MASP1: variants seen among roughly 807,000 people sequenced by gnomAD.
The protein encoded by MASP1 is MBL associated serine protease 1.
In MASP1, 59 loss-of-function variants were observed where a neutral mutation model predicts 77.1. The observed-to-expected ratio is 0.77, with a 90% CI of 0.62 to 0.95. The LOEUF (loss-of-function observed/expected upper bound fraction) is 0.95. Among genes scored for constraint, MASP1 ranks in the 40% least tolerant of loss-of-function variants. The pLI is 0.00. For synonymous variants in MASP1, 362 were observed against 354.5 expected (o/e 1.02, Z -0.24); for missense variants, 885 against 912.9 (o/e 0.97, Z 0.39).
chr3:187,247,190 T>C, intron 8 of MASP1: 1 of 1,547,020 alleles, frequency 6.5e-7, no homozygotes, highest in South Asian at 1.2e-5. Context: ...ACTGCTGAGA[T>C]CATGTTGTTC....
chr3:187,256,947 T>A (rs1190934186), intron 4 of MASP1, 87 bp from the exon 5 acceptor site: 2 of 1,197,380 alleles, frequency 1.7e-6, no homozygotes, highest in Admixed American at 3.6e-5. Flanking sequence ...ATTTTCCCAA[T>A]GGTCCCAAGC....
rs1279444466 is a variant in MASP1 at position 187,234,872 on chromosome 3, C to A, written c.*812G>T. The A allele has an allele frequency of 7.8e-7, 1 of 1,287,222 alleles. No individual in the cohort carries two copies. The highest frequency in any genetic ancestry group is 2.3e-5 in the Admixed American group (1 of 43,556). 79.7% of individuals were successfully genotyped at this position (1,287,222 alleles called of 1,614,324 possible). Reference sequence around the variant, plus strand: ...AAGATTGCTTTGTGCTTGTCTGGAGCAGCAGGTGTGGACGCCCATGGTGTC... The same window carrying A: ...AAGATTGCTTTGTGCTTGTCTGGAGAAGCAGGTGTGGACGCCCATGGTGTC... On this transcript the variant is annotated 3_prime_UTR_variant, in exon 11 of 11. Transcript: ENST00000296280.
intron 2 of MASP1, 33 bp from the exon 3 acceptor site, chr3:187,262,753 G>A (rs376192382): frequency 2.2e-5 from 35 of 1,601,266 alleles, no homozygotes; most frequent in Non-Finnish European, 2.6e-5. Context: ...AACAAGATGA[G>A]CAGTTTCCCA....
chr3:187,267,225 A>G (rs1008004962), intron 2 of MASP1, among the ~76,000 whole-genome samples: 2 of 151,794 alleles, frequency 1.3e-5, no homozygotes, highest in South Asian at 4.1e-4. Flanking sequence ...TCCTCAAGAC[A>G]TTAGGCAAAT....
intron 15 of MASP1, chr3:187,220,325 C>A: frequency 6.8e-7 from 1 of 1,464,336 alleles, no homozygotes; most frequent in Non-Finnish European, 9.4e-7. Context: ...CTCCTTCTCC[C>A]ATGTATGGGT....
Position 187,235,912 on chromosome 3 carries a change from G to A in MASP1, c.1959C>T (p.Tyr653=), listed in dbSNP as rs139958520. Residue 653 remains tyrosine, a synonymous_variant, in exon 11 of 11, where the codon TAC becomes TAT. Transcript: ENST00000296280. ...CAAGGCACGTGTCTTTGCCGCCCTC[G>A]TAGTAGCCAGCACAGAACATGTTCT... The part of the protein sequence containing the change: ...VTENMFCAGY[Y]EGGKDTCLGD... 181 of 1,614,226 alleles carry A rather than the reference G, an allele frequency of 1.1e-4. 1 individual carries two copies. The highest frequency in any genetic ancestry group is 7.3e-4 in the Admixed American group (44 of 60,024).
chr3:187,278,228 C>T (rs1287992808), intron 2 of MASP1, among the ~76,000 whole-genome samples: 1 of 152,194 alleles, frequency 6.6e-6, no homozygotes, highest in Non-Finnish European at 1.5e-5. Flanking sequence ...CAAGACTTGA[C>T]GCTGGGTCTG....
chr3:187,273,595 C>T lies in MASP1; in HGVS notation c.238-10875G>A, dbSNP rs567888876. On this transcript the variant is annotated intron_variant, in intron 2 of 10. Transcript: ENST00000296280. ...CTCGGTACTCCTGAGCTCACCTTCA[C>T]GGAAAGTCCATCACTCCCAGCTGCT... is the stretch of plus-strand genomic sequence containing the variant. 1.7e-4 allele frequency among the ~76,000 whole-genome samples: 26 copies of T among 152,306 alleles called. No individual in the cohort carries two copies. In the East Asian group the frequency reaches 2.3e-3, roughly 14 times the overall value.
chr3:187,226,926 A>G (rs948331083), intron 11 of MASP1, among the ~76,000 whole-genome samples: 2 of 152,210 alleles, frequency 1.3e-5, no homozygotes, highest in African/African-American at 4.8e-5. Context: ...GAGGCTTCTT[A>G]GAAATGAAGA....
Position 187,291,723 on chromosome 3 carries a change from C to G in MASP1, c.-91G>C, listed in dbSNP as rs542770578. The G allele has an allele frequency of 5.1e-5, 77 of 1,502,190 alleles. No homozygotes were observed. The African/African-American group carries it at 1.0e-3, about 20-fold the overall frequency. The allele number at this position is 1,502,190 out of a possible 1,614,324, so 93.1% of individuals were successfully genotyped here. On this transcript the variant is annotated 5_prime_UTR_variant, in exon 1 of 11. Transcript: ENST00000296280. ...CGTGCCCGGTGTGGTGTCCGTGATG[C>G]CTTATCTTTGTTCTGAGGTCCCTGT...
In MASP1 at chr3:187,220,167, C is replaced by T; in HGVS notation, c.2004G>A (p.Trp668Ter). ...GGTCCTTCTTCCCACAGTCATCACCCCAGGACACAGTGCCCACCAGGTACC... is the reference window on the plus strand; with the variant it reads ...GGTCCTTCTTCCCACAGTCATCACCTCAGGACACAGTGCCCACCAGGTACC... The change falls in exon 16 of 16, where the codon TGG becomes TGA. Residue 668 changes from tryptophan to a stop codon, truncating the protein, a stop_gained. Coordinates refer to the MASP1 transcript ENST00000337774. LOFTEE classifies it high-confidence loss of function. 1 of 1,614,184 alleles carries T rather than the reference C, an allele frequency of 6.2e-7. No individual in the cohort carries two copies. The highest frequency in any genetic ancestry group is 1.1e-5 in the South Asian group (1 of 91,076).
chr3:187,270,129 G>T (rs901678236), intron 2 of MASP1, among the ~76,000 whole-genome samples: 13 of 152,114 alleles, frequency 8.5e-5, no homozygotes, highest in South Asian at 2.1e-4. Context: ...GGCCTAACTT[G>T]GTCTGACAAC....
chr3:187,245,977 G>A (rs779956643), intron 8 of MASP1, among the ~76,000 whole-genome samples: 32 of 152,174 alleles, frequency 2.1e-4, no homozygotes, highest in Non-Finnish European at 3.8e-4. Context: ...GGGGGTTTGG[G>A]CTCTAGCCCC....
intron 8 of MASP1, 187 bp from the exon 9 acceptor site, chr3:187,243,808 T>G: frequency 1.4e-6 from 1 of 694,000 alleles, no homozygotes; most frequent in Non-Finnish European, 2.6e-6. Context: ...CCCATGGTCC[T>G]GCTTTTGAGG....
chr3:187,232,744 C>A (rs1209894593), downstream of MASP1, among the ~76,000 whole-genome samples: 1 of 152,112 alleles, frequency 6.6e-6, no homozygotes, highest in Non-Finnish European at 1.5e-5. Context: ...CTCAGTACCT[C>A]AATATGTCAC....
intron 10 of MASP1, among the ~76,000 whole-genome samples, chr3:187,240,503 G>C (rs953993741): frequency 1.1e-4 from 17 of 152,052 alleles, no homozygotes; most frequent in African/African-American, 3.9e-4. Context: ...AAATTACTAT[G>C]TTGTGAATAT....
At chr3:187,230,920 C>A (rs150585455), downstream of MASP1, among the ~76,000 whole-genome samples, 399 of 152,312 alleles carry the variant, frequency 2.6e-3, 2 homozygotes, top group Middle Eastern at 0.014. Context: ...ATAACCCAAG[C>A]CCCTGGATCC....
At chr3:187,282,158 G>A (rs911985646) in intron 2 of MASP1, among the ~76,000 whole-genome samples, 1 of 152,178 alleles carries the variant, frequency 6.6e-6, no homozygotes, top group African/African-American at 2.4e-5. Flanking sequence ...TTCAGCTAGA[G>A]CAGCTCACTT....
At chr3:187,286,580 C>G (rs1717874452) in intron 1 of MASP1, among the ~76,000 whole-genome samples, 2 of 152,206 alleles carry the variant, frequency 1.3e-5, no homozygotes, top group Non-Finnish European at 2.9e-5. Flanking sequence ...AAGTTTTCTT[C>G]CTCTTGGTAA....
Sources: gnomAD v4.1 joint callset for allele counts (sites outside exome capture counted in the v4.1 genomes callset) on GRCh38, gnomAD v4.1.1 for gene constraint, MANE v1.5 for transcripts, NCBI Gene and HGNC (gene_info 2026-07-23, HGNC 2026-07-21) for gene names.